Variants in SLC6A20 observed in about 807,000 individuals in gnomAD.
SLC6A20 encodes the protein sodium- and chloride-dependent transporter XTRP3.
SLC6A20 carries 73 observed loss-of-function variants against 64.3 expected under a neutral mutation model. The ratio of observed to expected loss-of-function variants is 1.14; its 90% CI spans 0.94 to 1.38. The LOEUF is 1.38. Among genes scored for constraint, SLC6A20 ranks in the 40% most tolerant of loss-of-function variants. SLC6A20 has a pLI of 0.00. For synonymous variants in SLC6A20, 347 were observed against 329.6 expected, an observed-to-expected ratio of 1.05 and a Z score of -0.57; for missense variants, 725 against 772.8, an observed-to-expected ratio of 0.94 and a Z score of 0.73.
At chr3:45,784,279 C>G (rs2125653993) in intron 1 of SLC6A20, among the ~76,000 whole-genome samples, 1 of 152,250 alleles carries the variant, frequency 6.6e-6, no homozygotes, top group East Asian at 1.9e-4. Flanking sequence ...AGAAATGATG[C>G]TAGAACAATT....
At chr3:45,781,433 G>A (rs1483885234) in intron 2 of SLC6A20, among the ~76,000 whole-genome samples, 1 of 152,170 alleles carries the variant, frequency 6.6e-6, no homozygotes, top group African/African-American at 2.4e-5. Context: ...GGCTACTTCT[G>A]GTCAGGGTTC....
chr3:45,760,908 C>T (rs1158105538), intron 9 of SLC6A20, among the ~76,000 whole-genome samples: 2 of 152,216 alleles, frequency 1.3e-5, no homozygotes, highest in Non-Finnish European at 2.9e-5. Flanking sequence ...GGTTGGCCTC[C>T]TGCCTCCAGC....
At position 45,796,397 on chromosome 3, in the gene SLC6A20, C is replaced by A; in HGVS notation, c.23G>T (p.Trp8Leu). The A allele has an allele frequency of 6.2e-7, 1 of 1,612,496 alleles. No individual in the cohort carries two copies. Among genetic ancestry groups the A allele is most frequent in the Non-Finnish European group, 8.5e-7 (1 of 1,179,552 alleles). Reference sequence around the variant, plus strand: ...GAACACGAACTGTAGCGAGTTGGCCCACAGCGGCCGCGCTTTCTCCATGGC... The same window carrying A: ...GAACACGAACTGTAGCGAGTTGGCCAACAGCGGCCGCGCTTTCTCCATGGC... MEKARPLWANSLQFVFAC... is the reference protein window; with the variant it reads MEKARPLLANSLQFVFAC... The change falls in exon 1 of 11, where the codon TGG becomes TTG. Residue 8 changes from tryptophan to leucine, a missense_variant. Trp to Leu is a moderately conservative substitution (Grantham distance 61). Transcript: ENST00000358525.
chr3:45,785,208 A>G (rs1700151063), intron 1 of SLC6A20, among the ~76,000 whole-genome samples: 1 of 152,150 alleles, frequency 6.6e-6, no homozygotes, highest in African/African-American at 2.4e-5. Context: ...GTTGACTACA[A>G]GGGGCATGAT....
chr3:45,766,361 G>GC (rs1422956221), intron 7 of SLC6A20, among the ~76,000 whole-genome samples: 1 of 152,166 alleles, frequency 6.6e-6, no homozygotes, highest in South Asian at 2.1e-4. Context: ...CTGGGTAGAA[G>GC]CCCCCCCACC....
intron 3 of SLC6A20, among the ~76,000 whole-genome samples, chr3:45,778,859 A>G (rs548576416): frequency 7.0e-4 from 106 of 152,154 alleles, no homozygotes; most frequent in Non-Finnish European, 1.4e-3. Flanking sequence ...CTCTAGGTTG[A>G]ACCAGGGAAA....
At position 45,796,452 on chromosome 3, in the gene SLC6A20, G is replaced by A. The variant is rs766451977; in HGVS notation, c.-33C>T. On this transcript the variant is annotated 5_prime_UTR_variant, in exon 1 of 11. Transcript: ENST00000358525. Reference sequence around the variant, plus strand: ...GCCTCGGCGCGCTCGGCTCCGGCTCGGGGGTCCGGCACGGCAGTCTCAGTG... The same window carrying A: ...GCCTCGGCGCGCTCGGCTCCGGCTCAGGGGTCCGGCACGGCAGTCTCAGTG... 5.1e-5 allele frequency: 81 copies of A among 1,598,910 alleles called. No homozygotes were observed. In the East Asian group the frequency reaches 1.5e-3, roughly 30 times the overall value.
chr3:45,778,074 T>C (rs1001833085), intron 3 of SLC6A20, among the ~76,000 whole-genome samples: 2 of 152,178 alleles, frequency 1.3e-5, no homozygotes, highest in African/African-American at 4.8e-5. Flanking sequence ...CCTCCCTCAC[T>C]CACCTCTGAA....
chr3:45,782,446 C>G (rs1260591872), intron 1 of SLC6A20, among the ~76,000 whole-genome samples: 3 of 151,944 alleles, frequency 2.0e-5, no homozygotes, highest in Non-Finnish European at 4.4e-5. Flanking sequence ...ATCTATCTAT[C>G]TACTATTCAT....
intron 8 of SLC6A20, among the ~76,000 whole-genome samples, chr3:45,763,744 C>T (rs1377708753): frequency 6.6e-6 from 1 of 152,194 alleles, no homozygotes; most frequent in African/African-American, 2.4e-5. Flanking sequence ...GGCCCTTTAG[C>T]CTCCAGAACC....
At chr3:45,762,262 CA>C (rs1699697467) in intron 9 of SLC6A20, among the ~76,000 whole-genome samples, 1 of 152,198 alleles carries the variant, frequency 6.6e-6, no homozygotes, top group African/African-American at 2.4e-5. Flanking sequence ...GTGTGGGTGC[CA>C]GACTCATCTG....
chr3:45,774,736 C>T (rs1358815350), intron 4 of SLC6A20, among the ~76,000 whole-genome samples: 1 of 151,960 alleles, frequency 6.6e-6, no homozygotes, highest in East Asian at 1.9e-4. Flanking sequence ...CAGGTGGGCT[C>T]CTAGGACTCT....
intron 3 of SLC6A20, among the ~76,000 whole-genome samples, chr3:45,778,462 T>C (rs1323293677): frequency 1.3e-5 from 2 of 152,184 alleles, no homozygotes. Context: ...CACAGACCTA[T>C]GAAGGATGGA....
At chr3:45,792,319 A>G (rs533203839) in intron 1 of SLC6A20, among the ~76,000 whole-genome samples, 2 of 152,312 alleles carry the variant, frequency 1.3e-5, no homozygotes, top group South Asian at 4.1e-4. Flanking sequence ...CTTGTCACAG[A>G]AGTGACTTGA....
At chr3:45,768,505 G>A (rs1324260794) in intron 7 of SLC6A20, among the ~76,000 whole-genome samples, 5 of 152,212 alleles carry the variant, frequency 3.3e-5, no homozygotes, top group African/African-American at 4.8e-5. Context: ...GACCTCATGG[G>A]TCACCTGAAC....
intron 3 of SLC6A20, among the ~76,000 whole-genome samples, 197 bp downstream of exon 3, chr3:45,779,812 G>A (rs1040923373): frequency 1.3e-5 from 2 of 152,214 alleles, no homozygotes; most frequent in Non-Finnish European, 2.9e-5. Flanking sequence ...ACAGCGTAAG[G>A]GGCCCGTGGA....
intron 8 of SLC6A20, among the ~76,000 whole-genome samples, chr3:45,764,662 A>G (rs1051533801): frequency 6.0e-5 from 9 of 149,430 alleles, no homozygotes; most frequent in Middle Eastern, 3.4e-3. Flanking sequence ...AGATCGCACC[A>G]TTGCACTCCA....
At chr3:45,759,227 A>G in intron 10 of SLC6A20, 100 bp from the exon 11 acceptor site, 1 of 1,314,990 alleles carries the variant, frequency 7.6e-7, no homozygotes. Context: ...ACGTGGGCAG[A>G]GAGCATGTGG....
Position 45,775,853 on chromosome 3 carries a change from C to A in SLC6A20, c.490G>T (p.Gly164Trp), listed in dbSNP as rs745541068. 4 of 1,614,080 alleles carry A rather than the reference C, an allele frequency of 2.5e-6. No individual in the cohort carries two copies. Among genetic ancestry groups the A allele is most frequent in the Non-Finnish European group, 3.4e-6 (4 of 1,180,042 alleles). Residue 164 changes from glycine (G) to tryptophan (W), a missense_variant, in exon 4 of 11, where the codon GGG becomes TGG. Transcript: ENST00000358525. ...LNISPSLQEN[G>W]GVQWEPALCL... ...AGCGCCGGCTCCCACTGCACACCCC[C>A]GTTCTCCTGGAGGGACGGCGAGATA...
Sources: gnomAD v4.1 joint callset for allele counts (sites outside exome capture counted in the v4.1 genomes callset) on GRCh38, gnomAD v4.1.1 for gene constraint, MANE v1.5 for transcripts, NCBI Gene and HGNC (gene_info 2026-07-23, HGNC 2026-07-21) for gene names.